PTPRG: variants seen among roughly 807,000 people sequenced by gnomAD.
PTPRG encodes the protein protein tyrosine phosphatase receptor type G.
In PTPRG, 102 loss-of-function variants were observed where a neutral mutation model predicts 165.3. The ratio of observed to expected loss-of-function variants is 0.62; its 90% CI spans 0.53 to 0.73. PTPRG has a LOEUF of 0.73. Ranked by LOEUF, PTPRG falls within the 30% of genes least tolerant of loss-of-function variation. The pLI, the probability that PTPRG is intolerant of heterozygous loss-of-function variation, is 0.00. For synonymous variants in PTPRG, 675 were observed against 669.5 expected (o/e 1.01, Z -0.13); for missense variants, 1,866 against 1,861.4 (o/e 1.00, Z -0.05).
chr3:61,650,139 G>T (rs1244460082), intron 1 of PTPRG, among the ~76,000 whole-genome samples: 1 of 152,054 alleles, frequency 6.6e-6, no homozygotes, highest in Non-Finnish European at 1.5e-5. Context: ...TTTTTCCCCT[G>T]TACAAATGCA....
chr3:61,757,517 T>C (rs550652085), intron 2 of PTPRG, among the ~76,000 whole-genome samples: 1 of 152,264 alleles, frequency 6.6e-6, no homozygotes, highest in East Asian at 1.9e-4. Context: ...AGGTGAAACA[T>C]TGTCAGTGGC....
chr3:61,562,906 G>A (rs893742195), intron 1 of PTPRG, among the ~76,000 whole-genome samples: 2 of 152,072 alleles, frequency 1.3e-5, no homozygotes, highest in East Asian at 1.9e-4. Context: ...GAGGACTGAG[G>A]ATGTGTGGGG....
chr3:62,081,521 T>A (rs2106765289), intron 5 of PTPRG, among the ~76,000 whole-genome samples: 2 of 152,128 alleles, frequency 1.3e-5, no homozygotes, highest in East Asian at 3.9e-4. Flanking sequence ...TTTTCTTATT[T>A]TTTTGTAGAG....
chr3:62,148,953 T>G (rs906972271), intron 6 of PTPRG, among the ~76,000 whole-genome samples: 2 of 152,084 alleles, frequency 1.3e-5, no homozygotes, highest in African/African-American at 2.4e-5. Flanking sequence ...CCAGCCTCTT[T>G]CCTTGTAAAC....
chr3:61,946,672 A>G (rs1354564750), intron 2 of PTPRG, among the ~76,000 whole-genome samples: 4 of 152,226 alleles, frequency 2.6e-5, no homozygotes, highest in East Asian at 1.9e-4. Context: ...TGAGATGCCA[A>G]AAATACCTGT....
At position 62,093,170 on chromosome 3, in the gene PTPRG, C is replaced by G. The variant is rs145508865; in HGVS notation, c.615+14912C>G. ...ATAGTGCACACAGGTTGAGAACTAGCAGAGCTTATCAGAGATCCCTTGAGG... is the reference window on the plus strand; with the variant it reads ...ATAGTGCACACAGGTTGAGAACTAGGAGAGCTTATCAGAGATCCCTTGAGG... On this transcript the variant is annotated intron_variant, in intron 5 of 29. Coordinates refer to ENST00000474889, the MANE Select transcript of PTPRG (RefSeq NM_002841.4). Among the ~76,000 whole-genome samples the G allele has an allele frequency of 1.3e-3, 204 of 152,308 alleles. 1 individual carries two copies. The highest frequency in any genetic ancestry group is 4.7e-3 in the African/African-American group (194 of 41,568).
At chr3:62,166,511 T>A (rs1300243207) in intron 7 of PTPRG, among the ~76,000 whole-genome samples, 1 of 151,466 alleles carries the variant, frequency 6.6e-6, no homozygotes, top group East Asian at 2.0e-4. Flanking sequence ...AATTTTTGTA[T>A]TTTTAGTAGA....
At chr3:61,892,270 A>C (rs527933499) in intron 2 of PTPRG, among the ~76,000 whole-genome samples, 42 of 152,302 alleles carry the variant, frequency 2.8e-4, no homozygotes, top group South Asian at 6.2e-4. Context: ...TTTGTTGCCC[A>C]GGCTGGAGTG....
intron 7 of PTPRG, among the ~76,000 whole-genome samples, chr3:62,160,037 A>G (rs79171657): frequency 0.015 from 2,272 of 152,336 alleles, 50 homozygotes; most frequent in African/African-American, 0.052. Context: ...AAAGCCAAGT[A>G]GTCAGGAATT....
intron 2 of PTPRG, among the ~76,000 whole-genome samples, chr3:61,787,258 G>A (rs953969326): frequency 3.9e-5 from 6 of 152,144 alleles, no homozygotes; most frequent in Admixed American, 1.3e-4. Flanking sequence ...TTTAATGTTC[G>A]TTTGTATTTC....
chr3:61,850,282 G>T (rs1410442461), intron 2 of PTPRG, among the ~76,000 whole-genome samples: 1 of 152,104 alleles, frequency 6.6e-6, no homozygotes, highest in Non-Finnish European at 1.5e-5. Context: ...CCCTGCCTCA[G>T]CCTCCCGAGT....
At chr3:62,220,130 C>T (rs1220711656) in intron 13 of PTPRG, among the ~76,000 whole-genome samples, 3 of 152,180 alleles carry the variant, frequency 2.0e-5, no homozygotes, top group African/African-American at 7.2e-5. Context: ...GCACCAGGAA[C>T]AGCCAGAGGT....
At chr3:61,939,928 CTTTTTTTTTTTTTTTTTTTTTTTTTT>C (rs561334410) in intron 2 of PTPRG, among the ~76,000 whole-genome samples, 3 of 39,108 alleles carry the variant, frequency 7.7e-5, no homozygotes, top group Non-Finnish European at 1.4e-4. Context: ...ACTGACTTGT[CTTTTTTTTTTTTTTTTTTTTTTTTTT>C]TTTTTTTTTT....
chr3:62,069,708 A>ACACACG (rs1559779045), intron 4 of PTPRG, among the ~76,000 whole-genome samples: 1 of 147,920 alleles, frequency 6.8e-6, no homozygotes, highest in Non-Finnish European at 1.5e-5. Flanking sequence ...ACGCACACAC[A>ACACACG]CACACACATG....
Position 62,003,346 on chromosome 3 carries a change from C to A in PTPRG, c.371-3C>A, listed in dbSNP as rs769062369. Reference sequence around the variant, plus strand: ...TTCCTCTCTTCTCATTTGTTTCACACAGTCGCCATCCTTCTGAAAGACGAC... The same window carrying A: ...TTCCTCTCTTCTCATTTGTTTCACAAAGTCGCCATCCTTCTGAAAGACGAC... On this transcript the variant is annotated splice_polypyrimidine_tract_variant and splice_region_variant and intron_variant, in intron 3 of 29. Coordinates refer to ENST00000474889, the MANE Select transcript of PTPRG (RefSeq NM_002841.4). 2 of 1,610,798 alleles carry A rather than the reference C, an allele frequency of 1.2e-6. No homozygotes were observed. Among genetic ancestry groups the A allele is most frequent in the South Asian group, 1.1e-5 (1 of 90,368 alleles).
chr3:61,775,924 T>C (rs565039198), intron 2 of PTPRG, among the ~76,000 whole-genome samples: 69 of 123,308 alleles, frequency 5.6e-4, no homozygotes, highest in African/African-American at 2.1e-3. Context: ...CCGGGGGCTG[T>C]TGTGGGGTAG....
At chr3:61,952,950 A>G (rs1298873295) in intron 2 of PTPRG, among the ~76,000 whole-genome samples, 2 of 152,212 alleles carry the variant, frequency 1.3e-5, no homozygotes, top group African/African-American at 4.8e-5. Flanking sequence ...ACCTTTAAAA[A>G]TGGGAATATG....
chr3:62,238,566 G>A (rs1701082379), intron 14 of PTPRG, among the ~76,000 whole-genome samples: 1 of 152,118 alleles, frequency 6.6e-6, no homozygotes, highest in South Asian at 2.1e-4. Context: ...CTTTCTCACA[G>A]TGGTTCATAA....
At chr3:62,049,107 A>G (rs576849300) in intron 4 of PTPRG, among the ~76,000 whole-genome samples, 1 of 135,536 alleles carries the variant, frequency 7.4e-6, no homozygotes, top group Non-Finnish European at 1.7e-5. Context: ...TAAAAAGTAA[A>G]AACAAAACAA....
Sources: allele counts gnomAD v4.1 joint callset (sites outside exome capture counted in the v4.1 genomes callset), GRCh38; gene constraint gnomAD v4.1.1; transcripts MANE v1.5; gene names NCBI Gene and HGNC (gene_info 2026-07-23, HGNC 2026-07-21).